Variants in DNAH14 observed in about 807,000 individuals in gnomAD.
The protein encoded by DNAH14 is dynein axonemal heavy chain 14, also known as axonemal beta dynein heavy chain 14.
DNAH14 carries 478 observed loss-of-function variants against 520.9 expected under a neutral mutation model. That is an observed-to-expected ratio of 0.92 (90% confidence interval 0.85 to 0.99). The LOEUF (loss-of-function observed/expected upper bound fraction) is 0.99. DNAH14 is among the 50% of genes least tolerant of loss of function. DNAH14 has a pLI of 0.00. For missense variants in DNAH14, 4,831 were observed against 5,234.5 expected (o/e 0.92, Z 2.38); for synonymous variants, 1,581 against 1,757.2 (o/e 0.90, Z 2.51).
intron 55 of DNAH14, among the ~76,000 whole-genome samples, chr1:225,299,670 T>C (rs1437242267): frequency 6.6e-6 from 1 of 152,210 alleles, no homozygotes; most frequent in East Asian, 1.9e-4. Context: ...GAAATGGACA[T>C]GGCTCCTCTG....
At chr1:224,942,856 A>T (rs1008483464) in intron 1 of DNAH14, among the ~76,000 whole-genome samples, 2 of 152,162 alleles carry the variant, frequency 1.3e-5, no homozygotes, top group East Asian at 3.8e-4. Flanking sequence ...GATGAAGCCC[A>T]CTTGATCATG....
At chr1:225,272,208 CAT>C (rs1423437436) in intron 51 of DNAH14, 135 bp downstream of exon 51, 1 of 823,962 alleles carries the variant, frequency 1.2e-6, no homozygotes, top group African/African-American at 1.7e-5. Context: ...CAGCTTATCT[CAT>C]GAGTTAGTTG....
chr1:225,113,813 C>T (rs975990028), intron 23 of DNAH14, among the ~76,000 whole-genome samples: 1 of 152,138 alleles, frequency 6.6e-6, no homozygotes, highest in Non-Finnish European at 1.5e-5. Flanking sequence ...TTCACTAAAG[C>T]CCAAGGGCTC....
chr1:225,152,435 A>G (rs749727338), intron 32 of DNAH14, among the ~76,000 whole-genome samples: 3 of 152,184 alleles, frequency 2.0e-5, no homozygotes, highest in Non-Finnish European at 4.4e-5. Flanking sequence ...ATTCAAAAAT[A>G]TCTGATTGAA....
intron 27 of DNAH14, among the ~76,000 whole-genome samples, chr1:225,126,262 A>T (rs2077708025): frequency 6.6e-6 from 1 of 152,074 alleles, no homozygotes; most frequent in Non-Finnish European, 1.5e-5. Flanking sequence ...CAGGGTTACC[A>T]CAAATCTTCA....
chr1:225,348,522 C>T (rs538508114), intron 71 of DNAH14, among the ~76,000 whole-genome samples: 1 of 152,090 alleles, frequency 6.6e-6, no homozygotes, highest in Non-Finnish European at 1.5e-5. Context: ...TGTATGATTA[C>T]CAGTGATTTC....
At chr1:224,940,462 T>G (rs2125393279) in intron 1 of DNAH14, among the ~76,000 whole-genome samples, 1 of 152,310 alleles carries the variant, frequency 6.6e-6, no homozygotes, top group East Asian at 1.9e-4. Flanking sequence ...TATCTCACAG[T>G]ATGCAGCTTG....
Position 225,207,236 on chromosome 1 carries a change from T to C in DNAH14, c.6439+16T>C. ...TTTGAACAAAGTGAGTTTTTTTCTC[T>C]AAGTCATATCAATGATATATCTTAG... On this transcript the variant is annotated intron_variant, in intron 41 of 85. Coordinates refer to ENST00000682510, the MANE Select transcript of DNAH14 (RefSeq NM_001367479.1). The C allele has an allele frequency of 6.7e-7, 1 of 1,495,254 alleles. No individual in the cohort carries two copies. Among genetic ancestry groups the C allele is most frequent in the Non-Finnish European group, 8.9e-7 (1 of 1,120,310 alleles). 92.6% of individuals were successfully genotyped at this position (1,495,254 alleles called of 1,614,324 possible).
intron 54 of DNAH14, among the ~76,000 whole-genome samples, chr1:225,283,412 GA>G (rs1245246167): frequency 1.4e-5 from 2 of 145,836 alleles, no homozygotes; most frequent in African/African-American, 5.1e-5. Flanking sequence ...AGACTTTCAG[GA>G]AAAAATTAAG....
chr1:225,170,765 G>A (rs770191664), intron 36 of DNAH14, among the ~76,000 whole-genome samples: 14 of 152,204 alleles, frequency 9.2e-5, no homozygotes, highest in South Asian at 4.1e-4. Context: ...TGCACCAAGC[G>A]GACCTAATAG....
intron 42 of DNAH14, among the ~76,000 whole-genome samples, chr1:225,239,916 T>A (rs1265959535): frequency 6.6e-6 from 1 of 152,258 alleles, no homozygotes; most frequent in Admixed American, 6.5e-5. Flanking sequence ...CTATATGAAA[T>A]GTCTTTAAAT....
chr1:225,364,057 G>A (rs554104222), intron 75 of DNAH14, among the ~76,000 whole-genome samples: 2 of 152,168 alleles, frequency 1.3e-5, no homozygotes, highest in South Asian at 2.1e-4. Context: ...ATTTTCTTAC[G>A]GTTAGATTAA....
intron 4 of DNAH14, among the ~76,000 whole-genome samples, chr1:224,964,230 G>A (rs899676084): frequency 1.3e-5 from 2 of 152,000 alleles, no homozygotes; most frequent in African/African-American, 4.8e-5. Context: ...CTCTTCTCTT[G>A]TTACTACCTG....
intron 34 of DNAH14, among the ~76,000 whole-genome samples, chr1:225,157,227 A>G (rs964310150): frequency 4.6e-5 from 7 of 152,166 alleles, no homozygotes; most frequent in African/African-American, 1.7e-4. Flanking sequence ...TTGTGGTAGG[A>G]AAGATTTTCT....
At chr1:225,090,707 A>G (rs2074301720) in intron 21 of DNAH14, among the ~76,000 whole-genome samples, 1 of 152,142 alleles carries the variant, frequency 6.6e-6, no homozygotes, top group East Asian at 1.9e-4. Context: ...ACATCTTACA[A>G]CATACACAAA....
intron 43 of DNAH14, 128 bp downstream of exon 43, chr1:225,240,950 A>G: frequency 1.5e-6 from 1 of 685,532 alleles, no homozygotes; most frequent in Non-Finnish European, 2.3e-6. Context: ...GGTTTATAAT[A>G]TACCCAATAC....
chr1:225,222,445 A>AG (rs1465935461), intron 41 of DNAH14, among the ~76,000 whole-genome samples: 1 of 152,168 alleles, frequency 6.6e-6, no homozygotes, highest in Non-Finnish European at 1.5e-5. Flanking sequence ...GGACCCAAAG[A>AG]GTGACCAGCA....
intron 21 of DNAH14, among the ~76,000 whole-genome samples, chr1:225,090,119 A>T (rs1572990753): frequency 1.3e-5 from 2 of 152,214 alleles, no homozygotes; most frequent in East Asian, 3.8e-4. Context: ...ATACATGATT[A>T]GTATACAAAG....
At chr1:225,369,784 C>A (rs904894081) in intron 77 of DNAH14, among the ~76,000 whole-genome samples, 1 of 152,168 alleles carries the variant, frequency 6.6e-6, no homozygotes, top group South Asian at 2.1e-4. Context: ...TTATGGGCCA[C>A]GTTATCTGAA....
Sources: gnomAD v4.1 joint callset for allele counts (sites outside exome capture counted in the v4.1 genomes callset) on GRCh38, gnomAD v4.1.1 for gene constraint, MANE v1.5 for transcripts, NCBI Gene and HGNC (gene_info 2026-07-23, HGNC 2026-07-21) for gene names.